Variants in TECPR2 observed in about 807,000 individuals in gnomAD.
TECPR2 encodes tectonin beta-propeller repeat containing 2, also known as tectonin beta-propeller repeat-containing protein 2.
TECPR2 carries 65 observed loss-of-function variants against 138.1 expected under a neutral mutation model. The ratio of observed to expected loss-of-function variants is 0.47; its 90% CI spans 0.39 to 0.58. TECPR2 has a LOEUF of 0.58. TECPR2 is among the 20% of genes least tolerant of loss of function. TECPR2 has a pLI of 0.00. For synonymous variants in TECPR2, 746 were observed against 749.8 expected (o/e 0.99, Z 0.08); for missense variants, 1,553 against 1,824.5 (o/e 0.85, Z 2.71).
In TECPR2 at chr14:102,476,392, A is replaced by G. The variant is rs186004994; in HGVS notation, c.3789+11103A>G. ...AAAAAAAAAAAAAAACAACAAAACA[A>G]AAAACAACAACTCAAATCAAATTTG... On this transcript the variant is annotated intron_variant, in intron 17 of 19. Coordinates refer to ENST00000359520, the MANE Select transcript of TECPR2 (RefSeq NM_014844.5). Among the ~76,000 whole-genome samples the G allele has an allele frequency of 1.0e-3, 154 of 151,966 alleles. 1 individual carries two copies. Among genetic ancestry groups the G allele is most frequent in the East Asian group, 8.9e-3 (46 of 5,182 alleles).
intron 17 of TECPR2, among the ~76,000 whole-genome samples, chr14:102,476,530 A>G (rs1375433084): frequency 2.0e-5 from 3 of 152,166 alleles, no homozygotes; most frequent in Non-Finnish European, 4.4e-5. Flanking sequence ...GCAGTGAAAA[A>G]CCATCCACAC....
chr14:102,377,396 G>A (rs933089801), intron 2 of TECPR2, among the ~76,000 whole-genome samples: 3 of 152,188 alleles, frequency 2.0e-5, no homozygotes, highest in Non-Finnish European at 4.4e-5. Context: ...CTCGGCTCAA[G>A]CAGTCCTCCT....
chr14:102,497,453 C>CGGAGT (rs1891315166), intron 18 of TECPR2, 117 bp from the exon 19 acceptor site: 14 of 1,319,612 alleles, frequency 1.1e-5, no homozygotes, highest in Non-Finnish European at 1.3e-5. Flanking sequence ...CCATCATGGG[C>CGGAGT]ACTCCGTCCC....
chr14:102,416,490 G>C (rs1889028281), intron 5 of TECPR2, among the ~76,000 whole-genome samples: 1 of 152,174 alleles, frequency 6.6e-6, no homozygotes, highest in South Asian at 2.1e-4. Flanking sequence ...TTCGGTCCCT[G>C]GAGAACTCAG....
At chr14:102,383,125 T>C (rs961222676) in intron 2 of TECPR2, among the ~76,000 whole-genome samples, 5 of 152,182 alleles carry the variant, frequency 3.3e-5, no homozygotes, top group Non-Finnish European at 7.4e-5. Flanking sequence ...CAGTTCAAGA[T>C]ACAGAACATT....
intron 13 of TECPR2, among the ~76,000 whole-genome samples, chr14:102,446,234 T>G (rs1889976868): frequency 6.6e-6 from 1 of 151,972 alleles, no homozygotes; most frequent in Admixed American, 6.6e-5. Flanking sequence ...GCCTGGCTAG[T>G]TTTTTGTATT....
Position 102,452,619 on chromosome 14 carries a change from C to T in TECPR2, c.3632C>T (p.Ser1211Phe), listed in dbSNP as rs752247894. 3 of 1,592,724 alleles carry T rather than the reference C, an allele frequency of 1.9e-6. No individual in the cohort carries two copies. The highest frequency in any genetic ancestry group is 3.5e-5 in the Admixed American group (2 of 56,554). The change falls in exon 16 of 20, where the codon TCC (serine) becomes TTC (phenylalanine). Residue 1211 changes from serine to phenylalanine, a missense_variant. Ser to Phe is a radical substitution (Grantham distance 155). Coordinates refer to ENST00000359520, the MANE Select transcript of TECPR2 (RefSeq NM_014844.5). ...TGMHWTRLDL[S>F]QLGAVKLTSL... The stretch of plus-strand genomic sequence containing the variant: ...ATGCACTGGACCAGGCTGGACCTCT[C>T]CCAGCTAGGTACGGCCACCTCGTGA...
At position 102,376,914 on chromosome 14, in the gene TECPR2, A is replaced by G; in HGVS notation, c.193A>G (p.Asn65Asp). 19 of 1,614,070 alleles carry G rather than the reference A, an allele frequency of 1.2e-5. No individual in the cohort carries two copies. The highest frequency in any genetic ancestry group is 1.5e-5 in the Non-Finnish European group (18 of 1,180,010). Residue 65 changes from asparagine to aspartate, a missense_variant, in exon 2 of 20, where the codon AAC becomes GAC. Transcript: ENST00000359520. ...GCTCTATCTGTACTGCCGGCACCTCAACCAGATGAGGAAGTACAACTTTGA... is the reference window on the plus strand; with the variant it reads ...GCTCTATCTGTACTGCCGGCACCTCGACCAGATGAGGAAGTACAACTTTGA... ...GMLYLYCRHL[N>D]QMRKYNFEGK...
At chr14:102,389,488 A>T (rs1888107826) in intron 2 of TECPR2, among the ~76,000 whole-genome samples, 1 of 152,238 alleles carries the variant, frequency 6.6e-6, no homozygotes, top group Admixed American at 6.5e-5. Context: ...TGGTATTAGC[A>T]CAAGAAAAGA....
At chr14:102,363,570 T>C (rs968638592) in intron 1 of TECPR2, among the ~76,000 whole-genome samples, 22 of 152,218 alleles carry the variant, frequency 1.4e-4, no homozygotes, top group Non-Finnish European at 4.4e-5. Flanking sequence ...ATCCAGTTGG[T>C]GTTCAGTGTT....
At chr14:102,414,177 A>G (rs534285759) in intron 4 of TECPR2, among the ~76,000 whole-genome samples, 4 of 152,330 alleles carry the variant, frequency 2.6e-5, no homozygotes, top group Admixed American at 1.3e-4. Flanking sequence ...ATGAACTTAC[A>G]GAGCTGATTA....
At chr14:102,380,839 G>A (rs755925288) in intron 2 of TECPR2, among the ~76,000 whole-genome samples, 6 of 151,592 alleles carry the variant, frequency 4.0e-5, no homozygotes, top group African/African-American at 4.8e-5. Context: ...CCACCACACC[G>A]GCTAATTTTT....
intron 2 of TECPR2, among the ~76,000 whole-genome samples, chr14:102,397,998 G>A (rs144765183): frequency 1.2e-4 from 18 of 150,528 alleles, no homozygotes; most frequent in African/African-American, 4.1e-4. Context: ...ACTTGTACCC[G>A]GGAGATGGAG....
intron 17 of TECPR2, among the ~76,000 whole-genome samples, chr14:102,480,582 C>T (rs1890869073): frequency 2.6e-5 from 4 of 151,544 alleles, no homozygotes; most frequent in Admixed American, 2.0e-4. Flanking sequence ...TGCAGTGGTG[C>T]GATCATAGCT....
chr14:102,438,299 C>G, intron 10 of TECPR2, 94 bp downstream of exon 10: 1 of 1,425,330 alleles, frequency 7.0e-7, no homozygotes, highest in Non-Finnish European at 9.3e-7. Context: ...ACAGGGCTCC[C>G]CTGCAGCAGC....
At chr14:102,387,777 C>T (rs973051940) in intron 2 of TECPR2, among the ~76,000 whole-genome samples, 4 of 152,212 alleles carry the variant, frequency 2.6e-5, no homozygotes, top group Admixed American at 6.5e-5. Flanking sequence ...CCACTCGCCT[C>T]AGCCTCCCAA....
intron 17 of TECPR2, among the ~76,000 whole-genome samples, chr14:102,483,814 A>G (rs576185623): frequency 0.091 from 4,808 of 52,766 alleles, 235 homozygotes; most frequent in African/African-American, 0.25. Context: ...TTTTTTTTTG[A>G]GTTGGTGTTT....
chr14:102,413,633 C>A (rs960671557), intron 4 of TECPR2, among the ~76,000 whole-genome samples: 5 of 151,776 alleles, frequency 3.3e-5, no homozygotes, highest in African/African-American at 1.2e-4. Context: ...CCCACCTCGG[C>A]CTACCAAAAT....
chr14:102,384,690 T>C lies in TECPR2; in HGVS notation c.219+7750T>C, dbSNP rs1423381695. On this transcript the variant is annotated intron_variant, in intron 2 of 19. Transcript: ENST00000359520. ...AGACACCACCTCAAAAAAAAATATA[T>C]ATATATATATGTGTGTGTGTGTGTA... is the stretch of plus-strand genomic sequence containing the variant. Among the ~76,000 whole-genome samples, 5 of 142,016 alleles carry C rather than the reference T, an allele frequency of 3.5e-5. No individual in the cohort carries two copies. In the South Asian group the frequency reaches 8.9e-4, roughly 25 times the overall value. 93.2% of individuals were successfully genotyped at this position (142,016 alleles called of 152,430 possible).
Sources: allele counts gnomAD v4.1 joint callset (sites outside exome capture counted in the v4.1 genomes callset), GRCh38; gene constraint gnomAD v4.1.1; transcripts MANE v1.5; gene names NCBI Gene and HGNC (gene_info 2026-07-23, HGNC 2026-07-21).